The following RARB variants were observed in gnomAD, a reference collection of about 807,000 sequenced individuals.
The protein encoded by RARB is retinoic acid receptor beta.
In RARB, 17 loss-of-function variants were observed where a neutral mutation model predicts 51.9. The ratio of observed to expected loss-of-function variants is 0.33; its 90% CI spans 0.22 to 0.49. The LOEUF (loss-of-function observed/expected upper bound fraction) is 0.49. Among genes scored for constraint, RARB ranks in the 20% least tolerant of loss-of-function variants. The pLI is 0.99. For missense variants in RARB, 369 were observed against 550.8 expected (o/e 0.67, Z 3.30); for synonymous variants, 215 against 195.4 (o/e 1.10, Z -0.84).
At chr3:25,583,835 C>T (rs3773430) in intron 5 of RARB, among the ~76,000 whole-genome samples, 1 of 152,216 alleles carries the variant, frequency 6.6e-6, no homozygotes, top group East Asian at 1.9e-4. Context: ...TCTATTAAGA[C>T]AGGCAGCCTC....
At chr3:25,280,097 A>G (rs976595160) in intron 5 of RARB, among the ~76,000 whole-genome samples, 2 of 152,214 alleles carry the variant, frequency 1.3e-5, no homozygotes, top group African/African-American at 4.8e-5. Context: ...TTCATAAGGA[A>G]ATGAAGACCC....
intron 2 of RARB, among the ~76,000 whole-genome samples, chr3:24,893,353 A>T (rs920176358): frequency 6.6e-6 from 1 of 152,234 alleles, no homozygotes; most frequent in Admixed American, 6.5e-5. Flanking sequence ...AACATTTAAA[A>T]TGAACTGTTT....
intron 2 of RARB, among the ~76,000 whole-genome samples, chr3:25,016,470 A>T (rs1446391537): frequency 6.6e-6 from 1 of 152,148 alleles, no homozygotes; most frequent in East Asian, 1.9e-4. Context: ...TTGGACATTG[A>T]CTAATTCCTG....
At chr3:24,974,074 G>A (rs771236019) in intron 2 of RARB, among the ~76,000 whole-genome samples, 1 of 151,950 alleles carries the variant, frequency 6.6e-6, no homozygotes, top group Admixed American at 6.6e-5. Flanking sequence ...ACAATATGAT[G>A]GTGGCTGTAG....
At chr3:25,190,384 T>C (rs542437278) in intron 5 of RARB, among the ~76,000 whole-genome samples, 15 of 152,236 alleles carry the variant, frequency 9.9e-5, no homozygotes, top group Middle Eastern at 3.4e-3. Context: ...TGTACTGATA[T>C]GTGCAACTAT....
At chr3:25,395,724 A>G (rs1707095773) in intron 5 of RARB, among the ~76,000 whole-genome samples, 2 of 152,112 alleles carry the variant, frequency 1.3e-5, no homozygotes, top group East Asian at 3.9e-4. Context: ...GGATTTCTCT[A>G]TGCTATCTAT....
chr3:25,387,986 GTCTCATTGATT>G (rs1272849464), intron 5 of RARB, among the ~76,000 whole-genome samples: 1 of 151,966 alleles, frequency 6.6e-6, no homozygotes, highest in Admixed American at 6.6e-5. Context: ...GACTTCCCCC[GTCTCATTGATT>G]TTTGGATTCG....
chr3:25,493,398 A>G (rs1447373098), intron 2 of RARB, among the ~76,000 whole-genome samples: 2 of 152,128 alleles, frequency 1.3e-5, no homozygotes, highest in African/African-American at 4.8e-5. Context: ...TGTTTCCCAG[A>G]GTAGCTGTGA....
At chr3:25,164,800 G>A (rs1267418817) in intron 4 of RARB, among the ~76,000 whole-genome samples, 1 of 152,194 alleles carries the variant, frequency 6.6e-6, no homozygotes, top group Non-Finnish European at 1.5e-5. Flanking sequence ...CAAGTATGCT[G>A]TGTCTGTTTT....
intron 2 of RARB, among the ~76,000 whole-genome samples, chr3:25,005,049 T>G (rs1697241710): frequency 1.3e-5 from 2 of 152,126 alleles, no homozygotes; most frequent in Non-Finnish European, 2.9e-5. Flanking sequence ...TATTCAGAAT[T>G]TTGGTAAAGC....
chr3:25,467,468 G>T (rs865881182), intron 2 of RARB, among the ~76,000 whole-genome samples: 1 of 144,268 alleles, frequency 6.9e-6, no homozygotes, highest in South Asian at 2.3e-4. Flanking sequence ...TCACGTGGTG[G>T]ATGGGTTCCC....
intron 5 of RARB, among the ~76,000 whole-genome samples, chr3:25,320,817 G>T (rs1487655717): frequency 6.6e-6 from 1 of 152,108 alleles, no homozygotes; most frequent in Non-Finnish European, 1.5e-5. Context: ...GAACTCATCG[G>T]CTCCTGCTTC....
chr3:25,388,127 C>T (rs996043525), intron 5 of RARB, among the ~76,000 whole-genome samples: 1 of 152,146 alleles, frequency 6.6e-6, no homozygotes, highest in African/African-American at 2.4e-5. Context: ...CTATAATTAA[C>T]TCAGACTATT....
At chr3:25,364,410 C>T (rs1706048578) in intron 5 of RARB, among the ~76,000 whole-genome samples, 3 of 152,178 alleles carry the variant, frequency 2.0e-5, no homozygotes. Context: ...TACCTCCTTC[C>T]CAGAATAATG....
At chr3:25,113,960 G>A (rs886729624) in intron 3 of RARB, among the ~76,000 whole-genome samples, 2 of 152,180 alleles carry the variant, frequency 1.3e-5, no homozygotes, top group African/African-American at 4.8e-5. Context: ...ATCATTCCTA[G>A]ATTTTACGTT....
intron 2 of RARB, among the ~76,000 whole-genome samples, chr3:24,883,042 C>A (rs375668262): frequency 6.6e-6 from 1 of 152,062 alleles, no homozygotes; most frequent in East Asian, 1.9e-4. Context: ...ACATGTCAAA[C>A]GGAGAGTCAG....
intron 2 of RARB, among the ~76,000 whole-genome samples, chr3:24,947,307 C>A (rs554142616): frequency 6.6e-6 from 1 of 152,346 alleles, no homozygotes; most frequent in East Asian, 1.9e-4. Flanking sequence ...GACATCATTT[C>A]TCTGTTTACC....
At chr3:24,972,448 C>T (rs1001388154) in intron 2 of RARB, among the ~76,000 whole-genome samples, 5 of 152,148 alleles carry the variant, frequency 3.3e-5, no homozygotes, top group East Asian at 1.9e-4. Context: ...CTGCAATAAA[C>T]ATTGCAGTAG....
In RARB at chr3:25,565,659, C is replaced by A. The variant is rs148198650; in HGVS notation, c.449-4099C>A. ...GCCACTGCGATGGCTTCTCCAAGCA[C>A]CATTTTTCATATCAGTCTCCTCTGC... On this transcript the variant is annotated intron_variant, in intron 3 of 7. Transcript: ENST00000330688. Among the ~76,000 whole-genome samples the A allele has an allele frequency of 6.6e-5, 10 of 152,342 alleles. No homozygotes were observed. In the South Asian group the frequency reaches 1.0e-3, roughly 16 times the overall value.
Sources: gnomAD v4.1 joint callset for allele counts (sites outside exome capture counted in the v4.1 genomes callset) on GRCh38, gnomAD v4.1.1 for gene constraint, MANE v1.5 for transcripts, NCBI Gene and HGNC (gene_info 2026-07-23, HGNC 2026-07-21) for gene names.